The following DSG2 variants were observed in gnomAD, a reference collection of about 807,000 sequenced individuals.
DSG2 encodes the protein desmoglein-2.
In DSG2, 45 loss-of-function variants were observed where a neutral mutation model predicts 75.6. The ratio of observed to expected loss-of-function variants is 0.60; its 90% CI spans 0.47 to 0.76. DSG2 has a LOEUF of 0.76. Among genes scored for constraint, DSG2 ranks in the 30% least tolerant of loss-of-function variants. The probability of loss-of-function intolerance (pLI) is 0.00; values close to 1 mark genes in which losing one functional copy is unlikely to be tolerated. For synonymous variants in DSG2, 429 were observed against 483.9 expected (o/e 0.89, Z 1.49); for missense variants, 1,267 against 1,357.4 (o/e 0.93, Z 1.05).
chr18:31,533,772 C>T (rs902664057), intron 9 of DSG2, among the ~76,000 whole-genome samples: 2 of 151,956 alleles, frequency 1.3e-5, no homozygotes, highest in Non-Finnish European at 2.9e-5. Flanking sequence ...TATTAAGAGG[C>T]AGAAAAATTT....
chr18:31,500,030 T>C (rs1469622640), intron 1 of DSG2, among the ~76,000 whole-genome samples: 1 of 136,530 alleles, frequency 7.3e-6, no homozygotes, highest in African/African-American at 3.0e-5. Flanking sequence ...AGTTGCAGTT[T>C]TTTGGTAAAA....
intron 11 of DSG2, 25 bp from the exon 12 acceptor site, chr18:31,538,726 T>C: frequency 6.2e-7 from 1 of 1,600,560 alleles, no homozygotes; most frequent in Non-Finnish European, 8.6e-7. Context: ...TCGTTTTTAT[T>C]TCCTTCTGCC....
intron 1 of DSG2, among the ~76,000 whole-genome samples, chr18:31,504,611 G>A (rs1030504269): frequency 6.6e-6 from 1 of 152,212 alleles, no homozygotes; most frequent in East Asian, 1.9e-4. Context: ...ATCAAGTAGG[G>A]GTGGGAGACA....
Position 31,546,267 on chromosome 18 carries a change from C to T in DSG2, c.2881C>T (p.Leu961Phe), listed in dbSNP as rs1300845863. ...CCTGGGTCCTAGCCAGCCACAGAGC[C>T]TTATTGTGACAGAGAGGGTGTATGC... ...VILGPSQPQSLIVTERVYAPA... is the reference protein window; with the variant it reads ...VILGPSQPQSFIVTERVYAPA... Residue 961 changes from leucine to phenylalanine, a missense_variant, in exon 15 of 15, where the codon CTT becomes TTT. Physicochemically the swap from Leu to Phe is conservative, Grantham distance 22. Transcript: ENST00000261590. The T allele has an allele frequency of 1.2e-6, 2 of 1,603,572 alleles. No individual in the cohort carries two copies. Among genetic ancestry groups the T allele is most frequent in the Admixed American group, 1.7e-5 (1 of 59,348 alleles).
chr18:31,499,256 G>A (rs2073001461), intron 1 of DSG2, among the ~76,000 whole-genome samples: 1 of 152,120 alleles, frequency 6.6e-6, no homozygotes, highest in South Asian at 2.1e-4. Context: ...GTTTTCTTAC[G>A]TAATAATTAA....
At chr18:31,544,217 A>C (rs2073289316) in intron 14 of DSG2, among the ~76,000 whole-genome samples, 1 of 152,222 alleles carries the variant, frequency 6.6e-6, no homozygotes, top group African/African-American at 2.4e-5. Flanking sequence ...AGCAGAATAC[A>C]CATGCTTTTT....
Position 31,518,227 on chromosome 18 carries a change from T to A in DSG2, c.46-12T>A. 1 of 1,609,844 alleles carries A rather than the reference T, an allele frequency of 6.2e-7. No individual in the cohort carries two copies. The highest frequency in any genetic ancestry group is 8.5e-7 in the Non-Finnish European group (1 of 1,176,222). On this transcript the variant is annotated splice_polypyrimidine_tract_variant and intron_variant, in intron 1 of 14. Coordinates refer to ENST00000261590, the MANE Select transcript of DSG2 (RefSeq NM_001943.5). ...GTAAATTGGCTAAATATCAAATAAT[T>A]TTATTTTACAGATCTGCTTTAACGT...
intron 1 of DSG2, among the ~76,000 whole-genome samples, chr18:31,506,242 A>G (rs1440759739): frequency 6.6e-6 from 1 of 152,204 alleles, no homozygotes; most frequent in Non-Finnish European, 1.5e-5. Context: ...TTCCCCTTAC[A>G]GCAGTTTGCT....
In DSG2 at chr18:31,538,354, TTC is replaced by T. The variant is rs1464849087; in HGVS notation, c.1652-393_1652-392del. 4.6e-5 allele frequency among the ~76,000 whole-genome samples: 7 copies of T among 152,330 alleles called. No homozygotes were observed. The East Asian group carries it at 1.4e-3, about 29-fold the overall frequency. On this transcript the variant is annotated intron_variant, in intron 11 of 14. Transcript: ENST00000261590. ...GATGGGTACCATGGGGGTTATGCTC[TTC>T]TCTTTATTACTATGTTTGAAAAATT...
At chr18:31,505,531 G>A (rs1157333225) in intron 1 of DSG2, among the ~76,000 whole-genome samples, 2 of 151,982 alleles carry the variant, frequency 1.3e-5, no homozygotes, top group African/African-American at 2.4e-5. Flanking sequence ...GGGCACGGAC[G>A]TATTCTTTAA....
chr18:31,520,820 A>C lies in DSG2; in HGVS notation c.234A>C (p.Ala78=). The C allele has an allele frequency of 6.2e-7, 1 of 1,613,734 alleles. No individual in the cohort carries two copies. Among genetic ancestry groups the C allele is most frequent in the Non-Finnish European group, 8.5e-7 (1 of 1,179,788 alleles). Residue 78 remains alanine (A), a synonymous_variant, in exon 4 of 15, where the codon GCA becomes GCC. Coordinates refer to ENST00000261590, the MANE Select transcript of DSG2 (RefSeq NM_001943.5). ...TATGTTAGATACATTCTGATCTTGC[A>C]GAAGAAAGAGGACTCAAAATTACTT... ...NPIAKIHSDL[A]EERGLKITYK... is the part of the protein sequence containing the mutation.
intron 2 of DSG2, 30 bp downstream of exon 2, chr18:31,518,304 T>A: frequency 6.3e-7 from 1 of 1,591,178 alleles, no homozygotes; most frequent in Non-Finnish European, 8.6e-7. Flanking sequence ...ATTTCTGCCT[T>A]CTGACTCAGG....
At position 31,506,678 on chromosome 18, in the gene DSG2, A is replaced by G. The variant is rs1402783580; in HGVS notation, c.45+8382A>G. 2.6e-5 allele frequency among the ~76,000 whole-genome samples: 4 copies of G among 152,364 alleles called. No homozygotes were observed. The East Asian group carries it at 7.7e-4, about 29-fold the overall frequency. On this transcript the variant is annotated intron_variant, in intron 1 of 14. Coordinates refer to ENST00000261590, the MANE Select transcript of DSG2 (RefSeq NM_001943.5). ...TATATTGCAGCAAAAGAGTGGAGAC[A>G]ACCTATAATTTTTGTTTATCAAATT...
In DSG2 at chr18:31,546,411, C is replaced by T; in HGVS notation, c.3025C>T (p.Gln1009Ter). ...SNPLEGTQHL[Q>*]DVPYVMVRER... ...TCCTCTGGAAGGCACTCAGCATCTT[C>T]AAGATGTACCTTACGTCATGGTGAG... Residue 1009 changes from glutamine (Q) to a stop codon, truncating the protein, a stop_gained, in exon 15 of 15, where the codon CAA (glutamine) becomes TAA (stop). Coordinates refer to ENST00000261590, the MANE Select transcript of DSG2 (RefSeq NM_001943.5). LOFTEE classifies it low-confidence loss of function (END_TRUNC). 1.2e-6 allele frequency: 2 copies of T among 1,614,202 alleles called. No individual in the cohort carries two copies.
At chr18:31,545,009 T>G (rs2073295338) in intron 14 of DSG2, among the ~76,000 whole-genome samples, 1 of 152,224 alleles carries the variant, frequency 6.6e-6, no homozygotes, top group Non-Finnish European at 1.5e-5. Flanking sequence ...TTCACCCACC[T>G]TCAAGTATTA....
intron 14 of DSG2, 38 bp downstream of exon 14, chr18:31,542,890 G>A: frequency 9.8e-7 from 1 of 1,024,674 alleles, no homozygotes; most frequent in Non-Finnish European, 1.4e-6. Flanking sequence ...TGGGGGGTGG[G>A]GGGAACATTT....
At chr18:31,544,232 T>C (rs1598825255) in intron 14 of DSG2, among the ~76,000 whole-genome samples, 1 of 152,144 alleles carries the variant, frequency 6.6e-6, no homozygotes, top group African/African-American at 2.4e-5. Context: ...CTTTTTCATA[T>C]AGACTGTATT....
intron 1 of DSG2, among the ~76,000 whole-genome samples, chr18:31,518,037 AG>A (rs1056287495): frequency 6.6e-6 from 1 of 152,216 alleles, no homozygotes; most frequent in Non-Finnish European, 1.5e-5. Context: ...GTATGGATCC[AG>A]GAGAATATAG....
rs2073229259 is a variant in DSG2, at chr18:31,536,233, C to T, written c.1455C>T (p.Val485=). The change falls in exon 11 of 15, where the codon GTC becomes GTT. Residue 485 remains valine (V), a synonymous_variant. Coordinates refer to ENST00000261590, the MANE Select transcript of DSG2 (RefSeq NM_001943.5). ...DYPRKTITGT[V]LINVEDINDN... ...CTAGAAAAACCATCACTGGCACAGT[C>T]CTTATCAATGTTGAAGACATCAACG... 13 of 1,614,168 alleles carry T rather than the reference C, an allele frequency of 8.1e-6. No individual in the cohort carries two copies. The highest frequency in any genetic ancestry group is 1.1e-5 in the Non-Finnish European group (13 of 1,180,026).
Sources: gnomAD v4.1 joint callset for allele counts (sites outside exome capture counted in the v4.1 genomes callset) on GRCh38, gnomAD v4.1.1 for gene constraint, MANE v1.5 for transcripts, NCBI Gene and HGNC (gene_info 2026-07-23, HGNC 2026-07-21) for gene names.